The following ST6GAL1 variants were observed in gnomAD, a reference collection of about 807,000 sequenced individuals.
The protein encoded by ST6GAL1 is beta-galactoside alpha-2,6-sialyltransferase 1.
In ST6GAL1, 20 loss-of-function variants were observed where a neutral mutation model predicts 38.0. That is an observed-to-expected ratio of 0.53 (90% CI 0.37 to 0.77). ST6GAL1 has a LOEUF of 0.77. ST6GAL1 is among the 30% of genes least tolerant of loss of function. The pLI, the probability that ST6GAL1 is intolerant of heterozygous loss-of-function variation, is 0.00. For synonymous variants in ST6GAL1, 196 were observed against 188.2 expected, an observed-to-expected ratio of 1.04 and a Z score of -0.34; for missense variants, 432 against 496.4, an observed-to-expected ratio of 0.87 and a Z score of 1.23.
At chr3:186,965,911 T>C (rs1715096329) in intron 2 of ST6GAL1, among the ~76,000 whole-genome samples, 1 of 152,124 alleles carries the variant, frequency 6.6e-6, no homozygotes, top group African/African-American at 2.4e-5. Context: ...TATTTTTTAT[T>C]TTTTCGGGAC....
intron 2 of ST6GAL1, among the ~76,000 whole-genome samples, chr3:187,019,266 G>C (rs1717215818): frequency 6.6e-6 from 1 of 152,202 alleles, no homozygotes; most frequent in Non-Finnish European, 1.5e-5. Flanking sequence ...ATGTTGGGAT[G>C]AGGAGATATG....
intron 5 of ST6GAL1, among the ~76,000 whole-genome samples, chr3:187,067,439 A>G (rs1345567746): frequency 1.5e-5 from 2 of 135,738 alleles, no homozygotes; most frequent in Non-Finnish European, 3.1e-5. Context: ...TGAACTTCAT[A>G]TAGATGGTGT....
intron 2 of ST6GAL1, among the ~76,000 whole-genome samples, chr3:186,964,720 A>G (rs780349171): frequency 3.3e-5 from 5 of 152,210 alleles, no homozygotes; most frequent in Non-Finnish European, 5.9e-5. Context: ...ACTGACCACG[A>G]TGGGGAAACT....
chr3:186,995,386 GT>G (rs1456403656), intron 2 of ST6GAL1, among the ~76,000 whole-genome samples: 6 of 151,170 alleles, frequency 4.0e-5, no homozygotes, highest in African/African-American at 1.5e-4. Flanking sequence ...TGTACCTGTG[GT>G]CCCAGCTACT....
chr3:186,991,895 C>T (rs1716184009), intron 2 of ST6GAL1, among the ~76,000 whole-genome samples: 1 of 152,144 alleles, frequency 6.6e-6, no homozygotes, highest in Admixed American at 6.5e-5. Context: ...AGCCACCTCC[C>T]CTCCCATCTG....
At chr3:186,939,521 GA>G (rs1247853053) in intron 1 of ST6GAL1, among the ~76,000 whole-genome samples, 2 of 152,210 alleles carry the variant, frequency 1.3e-5, no homozygotes, top group Admixed American at 6.5e-5. Flanking sequence ...TATGCTTTTA[GA>G]AAGTGACTTT....
intron 2 of ST6GAL1, among the ~76,000 whole-genome samples, chr3:187,029,127 G>A (rs544724248): frequency 2.0e-5 from 3 of 150,278 alleles, no homozygotes; most frequent in South Asian, 2.1e-4. Context: ...TTCATGTCAC[G>A]TCACATCAGA....
intron 5 of ST6GAL1, among the ~76,000 whole-genome samples, chr3:187,067,095 T>C (rs1239289744): frequency 2.1e-5 from 2 of 96,784 alleles, no homozygotes; most frequent in African/African-American, 1.1e-4. Flanking sequence ...TTTTTTTTTT[T>C]TTTTTTTTTT....
intron 4 of ST6GAL1, among the ~76,000 whole-genome samples, chr3:187,045,983 C>T (rs942643674): frequency 5.3e-5 from 8 of 152,214 alleles, no homozygotes; most frequent in Middle Eastern, 3.4e-3. Context: ...TCTTAGAGAA[C>T]GTTGATAGTC....
intron 5 of ST6GAL1, 196 bp downstream of exon 5, chr3:187,051,542 C>T (rs888716372): frequency 3.6e-6 from 2 of 550,430 alleles, no homozygotes; most frequent in Non-Finnish European, 6.5e-6. Flanking sequence ...AAGAAAAACC[C>T]TTTAGTATTA....
chr3:187,020,158 G>T (rs534577524), intron 2 of ST6GAL1, among the ~76,000 whole-genome samples: 1 of 152,088 alleles, frequency 6.6e-6, no homozygotes, highest in Non-Finnish European at 1.5e-5. Context: ...TTAGCCGGGC[G>T]TGGTGGCGGG....
At chr3:186,933,198 G>A (rs1377111594) in intron 1 of ST6GAL1, among the ~76,000 whole-genome samples, 3 of 152,172 alleles carry the variant, frequency 2.0e-5, no homozygotes, top group Non-Finnish European at 4.4e-5. Flanking sequence ...CCTTTGAGTG[G>A]TGTCTTTGCT....
chr3:186,969,387 C>G (rs1232642624), intron 2 of ST6GAL1, among the ~76,000 whole-genome samples: 1 of 152,148 alleles, frequency 6.6e-6, no homozygotes. Flanking sequence ...ATGGTGATAT[C>G]TCATTGTGTT....
intron 3 of ST6GAL1, 36 bp from the exon 4 acceptor site, chr3:187,042,618 T>C: frequency 1.3e-6 from 2 of 1,520,274 alleles, no homozygotes; most frequent in South Asian, 1.4e-5. Flanking sequence ...GGTTTTTCTT[T>C]ACATCATTTG....
chr3:186,992,963 A>T (rs1439217522), intron 2 of ST6GAL1, among the ~76,000 whole-genome samples: 4 of 152,050 alleles, frequency 2.6e-5, no homozygotes, highest in African/African-American at 9.7e-5. Context: ...CTTGCCTAAC[A>T]CTGCCTGTCC....
intron 1 of ST6GAL1, among the ~76,000 whole-genome samples, chr3:186,935,193 G>A (rs138324780): frequency 6.6e-6 from 1 of 151,830 alleles, no homozygotes; most frequent in Non-Finnish European, 1.5e-5. Flanking sequence ...GGTGTCTGTC[G>A]TTTCCCCTCT....
intron 2 of ST6GAL1, among the ~76,000 whole-genome samples, chr3:187,007,014 T>G (rs1046780807): frequency 6.6e-6 from 1 of 152,114 alleles, no homozygotes; most frequent in Non-Finnish European, 1.5e-5. Flanking sequence ...CAAGATGAAA[T>G]AATCCAACCA....
At chr3:187,047,004 GGC>G (rs1718319229) in intron 4 of ST6GAL1, among the ~76,000 whole-genome samples, 1 of 152,188 alleles carries the variant, frequency 6.6e-6, no homozygotes. Flanking sequence ...GGAGTGCAGT[GGC>G]ATGATCTCGG....
chr3:187,035,249 T>C lies in ST6GAL1; in HGVS notation c.-182-3493T>C, dbSNP rs1167983263. ...TACAAAACTTTGCTGAAAGAAGTCA[T>C]GGATGACACAAACTAATGGAAAAAC... is the stretch of plus-strand genomic sequence containing the variant. On this transcript the variant is annotated intron_variant, in intron 2 of 7. Transcript: ENST00000169298. 3.3e-5 allele frequency among the ~76,000 whole-genome samples: 5 copies of C among 152,256 alleles called. No homozygotes were observed. The East Asian group carries it at 7.7e-4, about 23-fold the overall frequency.
Sources: gnomAD v4.1 joint callset for allele counts (sites outside exome capture counted in the v4.1 genomes callset) on GRCh38, gnomAD v4.1.1 for gene constraint, MANE v1.5 for transcripts, NCBI Gene and HGNC (gene_info 2026-07-23, HGNC 2026-07-21) for gene names.